Variants in AGTPBP1 observed in about 807,000 individuals in gnomAD.
AGTPBP1 encodes ATP/GTP binding carboxypeptidase 1, also known as cytosolic carboxypeptidase 1.
AGTPBP1 carries 70 observed loss-of-function variants against 143.9 expected under a neutral mutation model. The observed-to-expected ratio is 0.49, with a 90% CI of 0.40 to 0.59. The LOEUF (loss-of-function observed/expected upper bound fraction) is 0.59, where lower values mean the gene tolerates loss of function less well. Among genes scored for constraint, AGTPBP1 ranks in the 20% least tolerant of loss-of-function variants. The pLI is 0.00. For synonymous variants in AGTPBP1, 463 were observed against 500.2 expected (o/e 0.93, Z 0.99); for missense variants, 1,229 against 1,464.5 (o/e 0.84, Z 2.62).
chr9:85,589,534 G>A lies in AGTPBP1; in HGVS notation c.2716C>T (p.His906Tyr). 6.2e-7 allele frequency: 1 copy of A among 1,601,604 alleles called. No individual in the cohort carries two copies. The highest frequency in any genetic ancestry group is 1.7e-4 in the Middle Eastern group (1 of 5,984). The change falls in exon 20 of 26, where the codon CAT becomes TAT. Residue 906 changes from histidine to tyrosine, a missense_variant. Around this residue, in one of 2 missense-constraint regions of AGTPBP1, gnomAD observed 486 missense variants for 652.3 expected, o/e 0.75. Coordinates refer to ENST00000357081, the MANE Select transcript of AGTPBP1 (RefSeq NM_001330701.2). The stretch of plus-strand genomic sequence containing the variant: ...GTTGGGAAGACAAACTTACTGAAAT[G>A]GCAGATATGTTCATAATAATTAGAC... ...PESNYYEHIC[H>Y]FRNRPYVFLS...
upstream of AGTPBP1, chr9:85,742,054 C>A (rs1824356342): frequency 7.7e-6 from 9 of 1,175,314 alleles, no homozygotes; most frequent in Non-Finnish European, 9.5e-6. Context: ...GCGTGCGAGG[C>A]CGCGAAAGGG....
At chr9:85,696,228 A>G (rs1836229155) in intron 2 of AGTPBP1, among the ~76,000 whole-genome samples, 1 of 152,206 alleles carries the variant, frequency 6.6e-6, no homozygotes. Context: ...TGCTGATGAT[A>G]AAATTTGAGC....
chr9:85,769,050 CAAAA>C, the AGTPBP1 span, among the ~76,000 whole-genome samples: 5 of 60,106 alleles, frequency 8.3e-5, no homozygotes, highest in Admixed American at 1.9e-4. Context: ...GAGGCCCTGT[CAAAA>C]AAAAAAAAAA....
chr9:85,761,064 A>G, the AGTPBP1 span, among the ~76,000 whole-genome samples: 2 of 152,204 alleles, frequency 1.3e-5, no homozygotes, highest in Non-Finnish European at 2.9e-5. Flanking sequence ...TCCAACTTAG[A>G]AGGGATGTGA....
At chr9:85,643,597 T>A (rs1490405278) in intron 12 of AGTPBP1, among the ~76,000 whole-genome samples, 1 of 152,154 alleles carries the variant, frequency 6.6e-6, no homozygotes. Flanking sequence ...CACCATTCAC[T>A]CTGTTTTCAG....
At chr9:85,696,536 C>T (rs1196429992) in intron 2 of AGTPBP1, among the ~76,000 whole-genome samples, 9 of 151,754 alleles carry the variant, frequency 5.9e-5, no homozygotes, top group Non-Finnish European at 1.3e-4. Flanking sequence ...GGTGTAGTGG[C>T]GCACATCTGT....
chr9:85,618,567 TA>T (rs1830729743), intron 17 of AGTPBP1, among the ~76,000 whole-genome samples: 1 of 151,852 alleles, frequency 6.6e-6, no homozygotes, highest in African/African-American at 2.4e-5. Flanking sequence ...TTTTTTTTTT[TA>T]ATAAATAAAT....
intron 8 of AGTPBP1, among the ~76,000 whole-genome samples, chr9:85,663,615 G>C (rs1171532145): frequency 6.8e-6 from 1 of 148,024 alleles, no homozygotes; most frequent in Admixed American, 6.8e-5. Context: ...CATAATGATG[G>C]GGGAAAAAAA....
chr9:85,648,311 A>G (rs1564103135), intron 11 of AGTPBP1, among the ~76,000 whole-genome samples: 1 of 152,218 alleles, frequency 6.6e-6, no homozygotes, highest in African/African-American at 2.4e-5. Flanking sequence ...TCTTTGTAAC[A>G]GCAGTTTAGT....
At chr9:85,626,582 TTC>T (rs1475869648) in intron 14 of AGTPBP1, among the ~76,000 whole-genome samples, 1 of 152,218 alleles carries the variant, frequency 6.6e-6, no homozygotes, top group Non-Finnish European at 1.5e-5. Flanking sequence ...AAATAAGCAC[TTC>T]TGAGTACTTT....
intron 14 of AGTPBP1, among the ~76,000 whole-genome samples, chr9:85,629,597 A>G (rs946166554): frequency 6.6e-6 from 1 of 152,262 alleles, no homozygotes; most frequent in Non-Finnish European, 1.5e-5. Context: ...TAAGGGTGGT[A>G]GTCCTCAATC....
intron 2 of AGTPBP1, among the ~76,000 whole-genome samples, chr9:85,703,255 G>A (rs1414520627): frequency 1.3e-5 from 2 of 152,154 alleles, no homozygotes; most frequent in Non-Finnish European, 2.9e-5. Flanking sequence ...AGGAAGAGAT[G>A]GGGAAGACAG....
intron 22 of AGTPBP1, 73 bp downstream of exon 22, chr9:85,586,758 C>A: frequency 6.6e-7 from 1 of 1,519,574 alleles, no homozygotes; most frequent in Non-Finnish European, 9.0e-7. Context: ...ATGATTATCA[C>A]ACAAGTGCTT....
chr9:85,560,400 T>C (rs1260554661), intron 25 of AGTPBP1, among the ~76,000 whole-genome samples: 2 of 152,184 alleles, frequency 1.3e-5, no homozygotes, highest in Non-Finnish European at 2.9e-5. Context: ...TTCACAAAGA[T>C]GGGAAGTTGG....
At chr9:85,745,295 A>G (rs372004555), upstream of AGTPBP1, among the ~76,000 whole-genome samples, 1 of 152,260 alleles carries the variant, frequency 6.6e-6, no homozygotes. Context: ...CATCTAGAAC[A>G]TAAATGTTAG....
chr9:85,781,070 A>G, the AGTPBP1 span: 1 of 1,196,920 alleles, frequency 8.4e-7, no homozygotes, highest in Non-Finnish European at 1.1e-6. Context: ...TGAGCCGAGC[A>G]TATCACGCCA....
chr9:85,590,122 T>C (rs1002381225), intron 19 of AGTPBP1, among the ~76,000 whole-genome samples: 1 of 152,136 alleles, frequency 6.6e-6, no homozygotes, highest in Non-Finnish European at 1.5e-5. Flanking sequence ...AAAAATTATA[T>C]AGCACAATTT....
the AGTPBP1 span, among the ~76,000 whole-genome samples, chr9:85,755,452 T>A: frequency 6.6e-6 from 1 of 152,200 alleles, no homozygotes; most frequent in African/African-American, 2.4e-5. Flanking sequence ...TTTTTCTTTT[T>A]TTAAAATAAT....
intron 1 of AGTPBP1, among the ~76,000 whole-genome samples, chr9:85,738,206 G>A (rs1478252967): frequency 6.6e-6 from 1 of 151,696 alleles, no homozygotes; most frequent in Non-Finnish European, 1.5e-5. Flanking sequence ...AAGCTTTTTG[G>A]GGATCCTCAA....
Sources: gnomAD v4.1 joint callset for allele counts (sites outside exome capture counted in the v4.1 genomes callset) on GRCh38, gnomAD v4.1.1 for gene constraint, gnomAD v4.1.1 regional missense constraint, MANE v1.5 for transcripts, NCBI Gene and HGNC (gene_info 2026-07-23, HGNC 2026-07-21) for gene names.